KIAA0825: variants seen among roughly 807,000 people sequenced by gnomAD.
The protein encoded by KIAA0825 is uncharacterized protein KIAA0825.
In KIAA0825, 119 loss-of-function variants were observed where a neutral mutation model predicts 147.6. The ratio of observed to expected loss-of-function variants is 0.81; its 90% CI spans 0.69 to 0.94. KIAA0825 has a LOEUF of 0.94. Among genes scored for constraint, KIAA0825 ranks in the 40% least tolerant of loss-of-function variants. KIAA0825 has a pLI of 0.00. For missense variants in KIAA0825, 1,381 were observed against 1,472.7 expected (o/e 0.94, Z 1.02); for synonymous variants, 470 against 518.1 (o/e 0.91, Z 1.26).
chr5:94,486,720 C>G (rs1763101483), intron 5 of KIAA0825, among the ~76,000 whole-genome samples: 2 of 152,082 alleles, frequency 1.3e-5, no homozygotes, highest in South Asian at 4.1e-4. Context: ...TATTATGCCC[C>G]AAAATGAAAA....
chr5:94,583,355 C>G (rs1326502091), intron 1 of KIAA0825, among the ~76,000 whole-genome samples: 1 of 152,250 alleles, frequency 6.6e-6, no homozygotes, highest in Non-Finnish European at 1.5e-5. Context: ...AAGATTCCCT[C>G]TTGTGTCTGG....
At chr5:94,616,698 T>C (rs529110628) in intron 1 of KIAA0825, among the ~76,000 whole-genome samples, 1 of 152,336 alleles carries the variant, frequency 6.6e-6, no homozygotes, top group Non-Finnish European at 1.5e-5. Context: ...ATGTACAGTA[T>C]AGGCATTTGT....
chr5:94,532,541 C>A (rs1201194695), intron 3 of KIAA0825, among the ~76,000 whole-genome samples: 1 of 151,476 alleles, frequency 6.6e-6, no homozygotes, highest in Admixed American at 6.6e-5. Context: ...TTCCCTTTCC[C>A]TTTCCTTTCC....
chr5:94,301,300 A>T (rs776577028), intron 20 of KIAA0825, among the ~76,000 whole-genome samples: 13 of 151,926 alleles, frequency 8.6e-5, no homozygotes, highest in Admixed American at 2.0e-4. Flanking sequence ...ACATTTCATA[A>T]TTTTTTCAAA....
At chr5:94,280,763 T>TAA (rs1453264605) in intron 20 of KIAA0825, among the ~76,000 whole-genome samples, 1 of 152,066 alleles carries the variant, frequency 6.6e-6, no homozygotes, top group Non-Finnish European at 1.5e-5. Flanking sequence ...AAATTAATTT[T>TAA]AAATGCTAAA....
Position 94,518,044 on chromosome 5 carries a change from T to A in KIAA0825, c.970+2204A>T, listed in dbSNP as rs74664262. ...GATTAAAAGAGATAATGCACATCAATGTCTGAGCCAATAAATGTTGTTGTT... is the reference window on the plus strand; with the variant it reads ...GATTAAAAGAGATAATGCACATCAAAGTCTGAGCCAATAAATGTTGTTGTT... On this transcript the variant is annotated intron_variant, in intron 5 of 20. Transcript: ENST00000682413. Among the ~76,000 whole-genome samples, 700 of 152,280 alleles carry A rather than the reference T, an allele frequency of 4.6e-3. 4 individuals carry two copies. The highest frequency in any genetic ancestry group is 0.016 in the African/African-American group (678 of 41,574).
At chr5:94,204,019 T>A (rs1463874059) in intron 20 of KIAA0825, among the ~76,000 whole-genome samples, 1 of 152,194 alleles carries the variant, frequency 6.6e-6, no homozygotes, top group Non-Finnish European at 1.5e-5. Context: ...TGAATGACTA[T>A]AAACAAACAT....
At chr5:94,565,203 G>A (rs1778471425) in intron 2 of KIAA0825, among the ~76,000 whole-genome samples, 1 of 148,070 alleles carries the variant, frequency 6.8e-6, no homozygotes, top group Middle Eastern at 3.2e-3. Context: ...AAAGTGTTGG[G>A]ATTATAGGTG....
chr5:94,340,358 G>A (rs1342463339), intron 20 of KIAA0825, among the ~76,000 whole-genome samples: 2 of 152,022 alleles, frequency 1.3e-5, no homozygotes, highest in African/African-American at 2.4e-5. Flanking sequence ...TTTTTTGGGG[G>A]GGAATATTTT....
At chr5:94,614,371 C>A (rs907036977) in intron 1 of KIAA0825, among the ~76,000 whole-genome samples, 2 of 152,132 alleles carry the variant, frequency 1.3e-5, no homozygotes, top group Admixed American at 1.3e-4. Flanking sequence ...GGGCGTTTTT[C>A]CATAACAAAG....
intron 20 of KIAA0825, among the ~76,000 whole-genome samples, chr5:94,189,083 A>T (rs1770427404): frequency 6.6e-6 from 1 of 152,116 alleles, no homozygotes; most frequent in African/African-American, 2.4e-5. Flanking sequence ...ATCTTTTGAA[A>T]AGTGTGTGCT....
chr5:94,289,377 A>G (rs1002661321), intron 20 of KIAA0825, among the ~76,000 whole-genome samples: 3 of 151,990 alleles, frequency 2.0e-5, no homozygotes, highest in African/African-American at 7.2e-5. Flanking sequence ...CTCTATAAAA[A>G]TACAATAATT....
At chr5:94,358,071 C>T (rs947400221) in intron 20 of KIAA0825, among the ~76,000 whole-genome samples, 2 of 152,164 alleles carry the variant, frequency 1.3e-5, no homozygotes, top group Non-Finnish European at 2.9e-5. Flanking sequence ...TAGTTCATAA[C>T]GAGATCGTCA....
intron 15 of KIAA0825, among the ~76,000 whole-genome samples, chr5:94,410,268 G>C (rs1194105394): frequency 6.8e-6 from 1 of 147,622 alleles, no homozygotes; most frequent in Non-Finnish European, 1.5e-5. Context: ...CAGACAGAAA[G>C]AAGGTTAAAA....
At position 94,308,107 on chromosome 5, in the gene KIAA0825, A is replaced by G. The variant is rs1433786007; in HGVS notation, c.3710+76261T>C. Among the ~76,000 whole-genome samples the G allele has an allele frequency of 2.0e-5, 3 of 151,742 alleles. No individual in the cohort carries two copies. The East Asian group carries it at 5.8e-4, about 29-fold the overall frequency. On this transcript the variant is annotated intron_variant, in intron 20 of 20. Coordinates refer to ENST00000682413, the MANE Select transcript of KIAA0825 (RefSeq NM_001145678.3). ...ATTTTAAAGAGTTTTTCAATACTAA[A>G]TCTTTCAGCATCACTGCAACACAGA...
chr5:94,267,974 T>G (rs1460777390), intron 20 of KIAA0825, among the ~76,000 whole-genome samples: 2 of 152,202 alleles, frequency 1.3e-5, no homozygotes. Context: ...TGTATCATTC[T>G]TTAATGGTTT....
At chr5:94,490,981 A>G (rs1292743763) in intron 5 of KIAA0825, among the ~76,000 whole-genome samples, 1 of 152,226 alleles carries the variant, frequency 6.6e-6, no homozygotes, top group Non-Finnish European at 1.5e-5. Flanking sequence ...AGTGGCTGCA[A>G]GCACACATAT....
rs1195057688 is a variant in KIAA0825 at position 94,264,786 on chromosome 5, C to CT, written c.3711-110663dup. Among the ~76,000 whole-genome samples, 994 of 140,510 alleles carry CT rather than the reference C, an allele frequency of 7.1e-3. 4 individuals are homozygous for CT. Among genetic ancestry groups the CT allele is most frequent in the Middle Eastern group, 0.011 (3 of 272 alleles). 92.2% of individuals were successfully genotyped at this position (140,510 alleles called of 152,430 possible). On this transcript the variant is annotated intron_variant, in intron 20 of 20. Coordinates refer to ENST00000682413, the MANE Select transcript of KIAA0825 (RefSeq NM_001145678.3). ...GTTTCATTACACATACATACACATA[C>CT]TTTTTTTTTTTTTTTTGGCAGGGTC...
At chr5:94,584,392 T>C (rs1399855811) in intron 1 of KIAA0825, among the ~76,000 whole-genome samples, 2 of 152,220 alleles carry the variant, frequency 1.3e-5, no homozygotes, top group East Asian at 3.9e-4. Flanking sequence ...TCGTGAAGCA[T>C]ACACAAGCTT....
Sources: gnomAD v4.1 joint callset for allele counts (sites outside exome capture counted in the v4.1 genomes callset) on GRCh38, gnomAD v4.1.1 for gene constraint, MANE v1.5 for transcripts, NCBI Gene and HGNC (gene_info 2026-07-23, HGNC 2026-07-21) for gene names.